SUPT3H: variants seen among roughly 807,000 people sequenced by gnomAD.
The protein encoded by SUPT3H is transcription initiation protein SPT3 homolog.
A neutral mutation model predicts 44.3 loss-of-function variants in SUPT3H; 44 were observed. That is an observed-to-expected ratio of 0.99 (90% CI 0.78 to 1.28). The LOEUF (loss-of-function observed/expected upper bound fraction) is 1.28, where lower values mean the gene tolerates loss of function less well. Ranked by LOEUF, SUPT3H falls within the 50% of genes most tolerant of loss-of-function variation. The pLI is 0.00. For synonymous variants in SUPT3H, 124 were observed against 125.6 expected, an observed-to-expected ratio of 0.99 and a Z score of 0.09; for missense variants, 380 against 387.1, an observed-to-expected ratio of 0.98 and a Z score of 0.15.
intron 2 of SUPT3H, among the ~76,000 whole-genome samples, chr6:45,228,593 G>GCA (rs1211888061): frequency 1.6e-4 from 24 of 151,542 alleles, no homozygotes; most frequent in South Asian, 4.2e-4. Context: ...CCGCGCGCGC[G>GCA]CACACACACA....
At chr6:45,187,030 G>A (rs1036263800) in intron 2 of SUPT3H, among the ~76,000 whole-genome samples, 6 of 150,340 alleles carry the variant, frequency 4.0e-5, no homozygotes, top group African/African-American at 9.8e-5. Context: ...AACTACTTGG[G>A]AGGCTGCGGC....
intron 2 of SUPT3H, among the ~76,000 whole-genome samples, chr6:45,108,385 T>C (rs2153572624): frequency 6.6e-6 from 1 of 152,300 alleles, no homozygotes; most frequent in South Asian, 2.1e-4. Context: ...TCATGATTAG[T>C]TCCTCCTTGT....
chr6:45,297,730 C>T (rs957003085), intron 2 of SUPT3H, among the ~76,000 whole-genome samples: 3 of 152,042 alleles, frequency 2.0e-5, no homozygotes, highest in Non-Finnish European at 2.9e-5. Context: ...TCCCTTCTCC[C>T]CATTACTAAT....
chr6:45,234,754 C>CAT (rs1027931809), intron 2 of SUPT3H, among the ~76,000 whole-genome samples: 17 of 152,178 alleles, frequency 1.1e-4, no homozygotes, highest in African/African-American at 4.1e-4. Context: ...CTATAGCTAT[C>CAT]AAGTTACCCA....
At chr6:45,349,251 T>A (rs368957168) in intron 2 of SUPT3H, among the ~76,000 whole-genome samples, 108 of 152,336 alleles carry the variant, frequency 7.1e-4, no homozygotes, top group African/African-American at 2.6e-3. Flanking sequence ...TAATTCTCTA[T>A]ATTTTGTCCC....
chr6:45,365,178 A>G (rs1361095936), intron 2 of SUPT3H, 23 bp downstream of exon 2: 1 of 1,395,646 alleles, frequency 7.2e-7, no homozygotes, highest in South Asian at 1.3e-5. Flanking sequence ...AGTAATAGCA[A>G]TAGCATGCAG....
At chr6:45,168,426 G>A (rs576290410) in intron 2 of SUPT3H, among the ~76,000 whole-genome samples, 1 of 152,172 alleles carries the variant, frequency 6.6e-6, no homozygotes, top group African/African-American at 2.4e-5. Context: ...TGTCACATTG[G>A]CACTCATGTC....
At chr6:45,200,285 A>G (rs956633501) in intron 2 of SUPT3H, among the ~76,000 whole-genome samples, 6 of 151,446 alleles carry the variant, frequency 4.0e-5, no homozygotes, top group Non-Finnish European at 5.9e-5. Context: ...TTATCATACA[A>G]AATATTGTTT....
intron 3 of SUPT3H, among the ~76,000 whole-genome samples, chr6:45,080,865 G>A (rs1048993683): frequency 6.6e-6 from 1 of 151,950 alleles, no homozygotes; most frequent in African/African-American, 2.4e-5. Context: ...TGTGACAGCA[G>A]AACAGAGTGA....
chr6:44,846,377 C>T lies in SUPT3H; in HGVS notation c.913-16520G>A, dbSNP rs547079231. 1.8e-4 allele frequency among the ~76,000 whole-genome samples: 27 copies of T among 152,148 alleles called. 1 individual carries two copies. The South Asian group carries it at 3.5e-3, about 20-fold the overall frequency. ...CGCATATTTCAACAAGCTAACCACA[C>T]AGATAGTGACAAGAGGCTCAAAGGT... On this transcript the variant is annotated intron_variant, in intron 10 of 10. Coordinates refer to ENST00000371459, the MANE Select transcript of SUPT3H (RefSeq NM_003599.4).
intron 11 of SUPT3H, among the ~76,000 whole-genome samples, chr6:44,812,878 CTA>C (rs1450514492): frequency 6.6e-6 from 1 of 152,132 alleles, no homozygotes; most frequent in Non-Finnish European, 1.5e-5. Flanking sequence ...AGAAATAAGT[CTA>C]TAATTCTGCA....
intron 2 of SUPT3H, among the ~76,000 whole-genome samples, chr6:45,226,491 C>T (rs544600868): frequency 1.3e-5 from 2 of 152,122 alleles, no homozygotes; most frequent in African/African-American, 4.8e-5. Flanking sequence ...CTGCTTGAGG[C>T]CAGGAGTTTC....
chr6:44,886,750 C>G (rs529236670), intron 10 of SUPT3H, among the ~76,000 whole-genome samples: 12 of 152,214 alleles, frequency 7.9e-5, no homozygotes, highest in Non-Finnish European at 1.5e-4. Flanking sequence ...ATGACAGGAT[C>G]AAATTCACAC....
chr6:45,118,493 T>C (rs1801150746), intron 2 of SUPT3H, among the ~76,000 whole-genome samples: 1 of 152,154 alleles, frequency 6.6e-6, no homozygotes, highest in Non-Finnish European at 1.5e-5. Context: ...GTCTTTGACA[T>C]CTGGCTTCTC....
intron 3 of SUPT3H, among the ~76,000 whole-genome samples, chr6:45,063,678 C>CAA (rs1414997631): frequency 4.4e-4 from 10 of 22,762 alleles, no homozygotes; most frequent in Non-Finnish European, 7.7e-4. Flanking sequence ...GCCTCAGGAG[C>CAA]TGATGTGATC....
intron 3 of SUPT3H, among the ~76,000 whole-genome samples, chr6:45,069,050 G>T (rs866583532): frequency 6.6e-6 from 1 of 151,898 alleles, no homozygotes; most frequent in Non-Finnish European, 1.5e-5. Flanking sequence ...GATTCCTAGT[G>T]TACTTTACAA....
chr6:44,900,097 G>A (rs3957281), intron 10 of SUPT3H, among the ~76,000 whole-genome samples: 68,721 of 152,084 alleles, frequency 0.45, 16,055 homozygotes, highest in Admixed American at 0.55. Context: ...CAGCATAAGC[G>A]ACGCAGAAGA....
intron 2 of SUPT3H, among the ~76,000 whole-genome samples, chr6:45,166,549 C>G (rs1343445601): frequency 7.3e-6 from 1 of 136,534 alleles, no homozygotes; most frequent in Admixed American, 7.9e-5. Flanking sequence ...TGGGCCACTG[C>G]ACTCCAGCCT....
intron 10 of SUPT3H, among the ~76,000 whole-genome samples, chr6:44,833,995 C>T (rs1045485564): frequency 3.9e-5 from 6 of 152,162 alleles, no homozygotes; most frequent in African/African-American, 1.4e-4. Context: ...TGCTTATTTT[C>T]CAAACTAACT....
Sources: gnomAD v4.1 joint callset for allele counts (sites outside exome capture counted in the v4.1 genomes callset) on GRCh38, gnomAD v4.1.1 for gene constraint, MANE v1.5 for transcripts, NCBI Gene and HGNC (gene_info 2026-07-23, HGNC 2026-07-21) for gene names.